The following SNX30 variants were observed in gnomAD, a reference collection of about 807,000 sequenced individuals.
SNX30 encodes sorting nexin-30.
Under a neutral mutation model 46.4 loss-of-function variants are expected in SNX30, and 24 were observed. That is an observed-to-expected ratio of 0.52 (90% CI 0.37 to 0.73). The LOEUF is 0.73. SNX30 is among the 30% of genes least tolerant of loss of function. The pLI, the probability that SNX30 is intolerant of heterozygous loss-of-function variation, is 0.00. For synonymous variants in SNX30, 189 were observed against 211.5 expected (o/e 0.89, Z 0.92); for missense variants, 533 against 555.7 (o/e 0.96, Z 0.41).
intron 1 of SNX30, among the ~76,000 whole-genome samples, chr9:112,763,459 C>T (rs1255702397): frequency 3.7e-5 from 5 of 133,890 alleles, no homozygotes; most frequent in African/African-American, 5.7e-5. Flanking sequence ...TGGCTTCAAG[C>T]GATCCTGCTA....
rs188229954 is a variant in SNX30 at position 112,804,971 on chromosome 9, G to A, written c.348+4G>A. The A allele has an allele frequency of 6.3e-7, 1 of 1,583,620 alleles. No homozygotes were observed. Among genetic ancestry groups the A allele is most frequent in the African/African-American group, 1.3e-5 (1 of 74,250 alleles). The stretch of plus-strand genomic sequence containing the variant: ...CACCTATAGGATCACCACCAAAGTA[G>A]GTCCCTGTGTTATAGAATGCCCGTG... On this transcript the variant is annotated splice_donor_region_variant and intron_variant, in intron 2 of 8. Coordinates refer to ENST00000374232, the MANE Select transcript of SNX30 (RefSeq NM_001012994.2).
chr9:112,831,994 A>G (rs1013576857), intron 4 of SNX30, among the ~76,000 whole-genome samples: 1 of 152,198 alleles, frequency 6.6e-6, no homozygotes, highest in African/African-American at 2.4e-5. Flanking sequence ...TAGTTTTTCA[A>G]ATCTGCAAAA....
Position 112,852,666 on chromosome 9 carries a change from A to G in SNX30, c.1101+1721A>G, listed in dbSNP as rs531006789. 2.2e-4 allele frequency among the ~76,000 whole-genome samples: 34 copies of G among 152,320 alleles called. 1 individual carries two copies. The highest frequency in any genetic ancestry group is 2.0e-3 in the Admixed American group (31 of 15,306). ...CACAGCTAGCACTGGTAGAGCTAGG[A>G]TGGTACCCTGCAGTTTGACTTTAGA... is the stretch of plus-strand genomic sequence containing the variant. On this transcript the variant is annotated intron_variant, in intron 7 of 8. Coordinates refer to ENST00000374232, the MANE Select transcript of SNX30 (RefSeq NM_001012994.2).
In SNX30 at chr9:112,817,713, G is replaced by A. The variant is rs757502141; in HGVS notation, c.357G>A (p.Arg119=). Residue 119 remains arginine, a synonymous_variant, in exon 3 of 9, where the codon CGG becomes CGA. Coordinates refer to ENST00000374232, the MANE Select transcript of SNX30 (RefSeq NM_001012994.2). ...CATTCTCTTCTTTGCAGAGTACTCG[G>A]GTGGAGTTTGACCTGCCAGAATATT... The part of the protein sequence containing the change: ...ITYRITTKST[R]VEFDLPEYSV... The A allele has an allele frequency of 1.3e-6, 2 of 1,599,534 alleles. No individual in the cohort carries two copies. Among genetic ancestry groups the A allele is most frequent in the African/African-American group, 1.3e-5 (1 of 74,602 alleles).
chr9:112,824,394 G>T (rs1489624659), intron 3 of SNX30, among the ~76,000 whole-genome samples: 2 of 152,060 alleles, frequency 1.3e-5, no homozygotes, highest in African/African-American at 4.8e-5. Context: ...TGTTTTCATT[G>T]TAGAAAATAT....
chr9:112,828,570 G>A (rs1281628695), intron 3 of SNX30, among the ~76,000 whole-genome samples: 12 of 152,228 alleles, frequency 7.9e-5, no homozygotes, highest in Non-Finnish European at 7.4e-5. Flanking sequence ...AAACTTAGAG[G>A]GGAGCAATGA....
At chr9:112,766,901 C>T (rs1470000492) in intron 1 of SNX30, among the ~76,000 whole-genome samples, 1 of 152,158 alleles carries the variant, frequency 6.6e-6, no homozygotes, top group Non-Finnish European at 1.5e-5. Context: ...CCATTGTGAA[C>T]AATGCTGCAA....
chr9:112,819,505 A>C (rs1840458870), intron 3 of SNX30, among the ~76,000 whole-genome samples: 1 of 151,912 alleles, frequency 6.6e-6, no homozygotes, highest in Non-Finnish European at 1.5e-5. Flanking sequence ...GATCTCAGGT[A>C]ATCCTCCCAC....
At chr9:112,860,834 C>T (rs1359203993) in intron 7 of SNX30, among the ~76,000 whole-genome samples, 1 of 152,164 alleles carries the variant, frequency 6.6e-6, no homozygotes, top group African/African-American at 2.4e-5. Context: ...GATAGATTAT[C>T]TTTTGTGAAC....
chr9:112,817,885 A>C (rs1840426201), intron 3 of SNX30, 70 bp downstream of exon 3: 1 of 980,558 alleles, frequency 1.0e-6, no homozygotes, highest in Non-Finnish European at 1.7e-6. Flanking sequence ...GGTTCACTCA[A>C]CTCTCATCCC....
chr9:112,815,592 C>G (rs1216014900), intron 2 of SNX30, among the ~76,000 whole-genome samples: 1 of 152,084 alleles, frequency 6.6e-6, no homozygotes, highest in African/African-American at 2.4e-5. Flanking sequence ...AACTACCGAC[C>G]CCAAATGATC....
chr9:112,782,928 G>C (rs1172839292), intron 1 of SNX30, among the ~76,000 whole-genome samples: 1 of 152,254 alleles, frequency 6.6e-6, no homozygotes, highest in African/African-American at 2.4e-5. Flanking sequence ...GTTGGGGATT[G>C]CTGATGGCTA....
downstream of SNX30, among the ~76,000 whole-genome samples, chr9:112,876,363 C>G (rs1350485442): frequency 6.6e-6 from 1 of 152,134 alleles, no homozygotes; most frequent in Non-Finnish European, 1.5e-5. Context: ...TCCTGTAATC[C>G]CAGCACTTTG....
intron 2 of SNX30, among the ~76,000 whole-genome samples, chr9:112,816,688 A>C (rs1005593328): frequency 6.6e-6 from 1 of 152,224 alleles, no homozygotes; most frequent in African/African-American, 2.4e-5. Flanking sequence ...ACTCTCGTTC[A>C]TGTGCTTAAA....
intron 2 of SNX30, among the ~76,000 whole-genome samples, chr9:112,810,851 G>A (rs951290181): frequency 1.3e-5 from 2 of 152,116 alleles, no homozygotes; most frequent in African/African-American, 4.8e-5. Flanking sequence ...TGGATGGCAC[G>A]AGCCTCAGAA....
rs1436430790 is a variant in SNX30, at chr9:112,843,648, A to G, written c.1014+4951A>G. Among the ~76,000 whole-genome samples, 35 of 16,206 alleles carry G rather than the reference A, an allele frequency of 2.2e-3. No homozygotes were observed. The Admixed American group carries it at 0.023, about 11-fold the overall frequency. 10.6% of individuals were successfully genotyped at this position (16,206 alleles called of 152,430 possible). On this transcript the variant is annotated intron_variant, in intron 6 of 8. Coordinates refer to ENST00000374232, the MANE Select transcript of SNX30 (RefSeq NM_001012994.2). ...TAGCTTTTTTTTTTTTTTTTTTTAG[A>G]CAGAGTCTCACTCTGTTGCCCAGGC...
intron 1 of SNX30, among the ~76,000 whole-genome samples, chr9:112,766,417 A>G (rs560198226): frequency 1.3e-5 from 2 of 152,212 alleles, no homozygotes; most frequent in East Asian, 1.9e-4. Context: ...TAATTTTGAC[A>G]TTTGAGGTTA....
intron 3 of SNX30, among the ~76,000 whole-genome samples, chr9:112,818,045 G>A (rs1840429211): frequency 6.6e-6 from 1 of 152,264 alleles, no homozygotes; most frequent in Non-Finnish European, 1.5e-5. Flanking sequence ...CACAGCGGCA[G>A]AAATCTAGCA....
intron 6 of SNX30, among the ~76,000 whole-genome samples, chr9:112,847,706 A>T (rs1052246903): frequency 5.3e-5 from 8 of 152,220 alleles, no homozygotes; most frequent in African/African-American, 1.9e-4. Flanking sequence ...GTTCCAGGTT[A>T]TTAGGACCAC....
Sources: gnomAD v4.1 joint callset for allele counts (sites outside exome capture counted in the v4.1 genomes callset) on GRCh38, gnomAD v4.1.1 for gene constraint, MANE v1.5 for transcripts, NCBI Gene and HGNC (gene_info 2026-07-23, HGNC 2026-07-21) for gene names.